Variants in AIM2 observed in about 807,000 individuals in gnomAD.
AIM2 encodes interferon-inducible protein AIM2.
AIM2 carries 30 observed loss-of-function variants against 27.7 expected under a neutral mutation model. The ratio of observed to expected loss-of-function variants is 1.08; its 90% CI spans 0.81 to 1.47. The LOEUF is 1.47. Among genes scored for constraint, AIM2 ranks in the 40% most tolerant of loss-of-function variants. The probability of loss-of-function intolerance (pLI) is 0.00; values close to 1 mark genes in which losing one functional copy is unlikely to be tolerated. For synonymous variants in AIM2, 141 were observed against 145.3 expected, an observed-to-expected ratio of 0.97 and a Z score of 0.21; for missense variants, 358 against 411.3, an observed-to-expected ratio of 0.87 and a Z score of 1.12.
chr1:159,123,000 T>G (rs1485706239), intron 1 of AIM2, among the ~76,000 whole-genome samples: 1 of 152,170 alleles, frequency 6.6e-6, no homozygotes, highest in East Asian at 1.9e-4. Context: ...ATGAAAACGA[T>G]TTAGTCATTT....
At chr1:159,081,724 T>C (rs1656780335), upstream of AIM2, 2 of 217,812 alleles carry the variant, frequency 9.2e-6, no homozygotes, top group African/African-American at 2.4e-5. Flanking sequence ...AAAAAAAGTC[T>C]AAAAGGACAA....
intron 1 of AIM2, among the ~76,000 whole-genome samples, chr1:159,103,292 CCT>C (rs1313775841): frequency 3.9e-5 from 6 of 152,188 alleles, no homozygotes; most frequent in Admixed American, 3.9e-4. Flanking sequence ...GTCAATTAAA[CCT>C]CTTTCCTTTA....
chr1:159,063,708 A>G, intron 4 of AIM2, 34 bp from the exon 5 acceptor site: 1 of 1,594,710 alleles, frequency 6.3e-7, no homozygotes, highest in Non-Finnish European at 8.6e-7. Context: ...GCCTCTGATA[A>G]TCGGATTAAT....
chr1:159,093,307 C>T (rs1282126892), intron 1 of AIM2, among the ~76,000 whole-genome samples: 3 of 152,084 alleles, frequency 2.0e-5, no homozygotes, highest in Non-Finnish European at 2.9e-5. Flanking sequence ...TCTAAATTTC[C>T]TGAGGGTCAG....
chr1:159,062,891 C>G (rs901504445), intron 5 of AIM2, among the ~76,000 whole-genome samples, 173 bp from the exon 6 acceptor site: 1 of 152,190 alleles, frequency 6.6e-6, no homozygotes, highest in Non-Finnish European at 1.5e-5. Flanking sequence ...AAGTGAATAT[C>G]TGACCTGAGA....
At chr1:159,069,413 A>C (rs1199334224) in intron 2 of AIM2, among the ~76,000 whole-genome samples, 2 of 152,152 alleles carry the variant, frequency 1.3e-5, no homozygotes, top group African/African-American at 4.8e-5. Flanking sequence ...AATAACAATA[A>C]AAATACACCA....
At chr1:159,144,134 A>G (rs539886282), upstream of AIM2, among the ~76,000 whole-genome samples, 6 of 152,196 alleles carry the variant, frequency 3.9e-5, no homozygotes, top group Non-Finnish European at 8.8e-5. Context: ...AGATTTCATG[A>G]GGCAGAGTGT....
chr1:159,131,086 G>A lies in AIM2; in HGVS notation c.-16+9345C>T, dbSNP rs1428623919. The stretch of plus-strand genomic sequence containing the variant: ...GGTGTTCTCTGTACTTCCCCTAAGA[G>A]TGAACCCTCCATAATGTGTTGGGAT... On this transcript the variant is annotated intron_variant, in intron 1 of 2. Coordinates refer to the AIM2 transcript ENST00000368129. 4.6e-5 allele frequency among the ~76,000 whole-genome samples: 7 copies of A among 152,018 alleles called. No individual in the cohort carries two copies. The South Asian group carries it at 1.5e-3, about 32-fold the overall frequency.
At chr1:159,058,348 C>CA (rs34913942), downstream of AIM2, among the ~76,000 whole-genome samples, 138 of 117,818 alleles carry the variant, frequency 1.2e-3, 1 homozygote, top group African/African-American at 4.1e-3. Flanking sequence ...GATTCTGTCT[C>CA]AAAAAAAAAA....
Position 159,136,943 on chromosome 1 carries a change from C to T in AIM2, c.-16+3488G>A, listed in dbSNP as rs3026933. Among the ~76,000 whole-genome samples, 2,271 of 152,260 alleles carry T rather than the reference C, an allele frequency of 0.015. 135 individuals are homozygous for T. In the East Asian group the frequency reaches 0.22, roughly 15 times the overall value. Reference sequence around the variant, plus strand: ...TACAGCACTACGGCTTGGGAATCACCGTGCCACAGCTTGCTGCTTCTAAAG... The same window carrying T: ...TACAGCACTACGGCTTGGGAATCACTGTGCCACAGCTTGCTGCTTCTAAAG... On this transcript the variant is annotated intron_variant, in intron 1 of 2. Coordinates refer to the AIM2 transcript ENST00000368129.
downstream of AIM2, among the ~76,000 whole-genome samples, chr1:159,060,956 A>G (rs1053949130): frequency 5.3e-5 from 8 of 152,220 alleles, no homozygotes; most frequent in African/African-American, 1.9e-4. Flanking sequence ...TAAATTTATA[A>G]GAAATTTCCA....
chr1:159,116,148 T>A (rs1176106366), intron 1 of AIM2, among the ~76,000 whole-genome samples: 3 of 151,282 alleles, frequency 2.0e-5, no homozygotes, highest in Non-Finnish European at 3.0e-5. Flanking sequence ...ATCTCACACC[T>A]GTTAGAATGG....
intron 1 of AIM2, among the ~76,000 whole-genome samples, chr1:159,127,077 T>G (rs1031599168): frequency 2.3e-4 from 35 of 152,172 alleles, no homozygotes; most frequent in Admixed American, 1.7e-3. Flanking sequence ...GAAATAAAAC[T>G]ATAAACAAGC....
intron 1 of AIM2, chr1:159,123,552 A>G (rs1354266336): frequency 2.0e-5 from 3 of 152,086 alleles, no homozygotes; most frequent in Admixed American, 2.0e-4. Context: ...TTCTTTCTTC[A>G]TCTGTAAATG....
chr1:159,143,664 G>T (rs1287084491), upstream of AIM2, among the ~76,000 whole-genome samples: 2 of 150,192 alleles, frequency 1.3e-5, no homozygotes, highest in African/African-American at 4.9e-5. Context: ...CTATATCCAA[G>T]AAATCTATCA....
At chr1:159,119,992 T>C (rs1023296408) in intron 1 of AIM2, among the ~76,000 whole-genome samples, 1 of 152,186 alleles carries the variant, frequency 6.6e-6, no homozygotes, top group Non-Finnish European at 1.5e-5. Flanking sequence ...TGTGTAGCAT[T>C]ATGTTATATA....
chr1:159,098,110 T>C (rs917080152), intron 1 of AIM2, among the ~76,000 whole-genome samples: 12 of 152,208 alleles, frequency 7.9e-5, no homozygotes, highest in African/African-American at 2.9e-4. Context: ...TAATGATCAT[T>C]TAAATATCTT....
chr1:159,081,166 C>A (rs1307168664), upstream of AIM2: 3 of 234,862 alleles, frequency 1.3e-5, no homozygotes, highest in Non-Finnish European at 2.9e-5. Flanking sequence ...ATCATCAGGG[C>A]AACAGTAATA....
At chr1:159,077,650 C>T (rs573485535), upstream of AIM2, among the ~76,000 whole-genome samples, 5 of 152,232 alleles carry the variant, frequency 3.3e-5, no homozygotes, top group Admixed American at 2.0e-4. Flanking sequence ...ATTTTTATTG[C>T]TTGTAGCCAC....
Sources: gnomAD v4.1 joint callset for allele counts (sites outside exome capture counted in the v4.1 genomes callset) on GRCh38, gnomAD v4.1.1 for gene constraint, MANE v1.5 for transcripts, NCBI Gene and HGNC (gene_info 2026-07-23, HGNC 2026-07-21) for gene names.